Variants in NTRK2 observed in about 807,000 individuals in gnomAD.
NTRK2 encodes BDNF/NT-3 growth factors receptor.
Under a neutral mutation model 94.5 loss-of-function variants are expected in NTRK2, and 13 were observed. The observed-to-expected ratio is 0.14, with a 90% CI of 0.09 to 0.22. The LOEUF (loss-of-function observed/expected upper bound fraction) is 0.22, where lower values mean the gene tolerates loss of function less well. Among genes scored for constraint, NTRK2 ranks in the 10% least tolerant of loss-of-function variants. The pLI is 1.00. For synonymous variants in NTRK2, 372 were observed against 407.4 expected (o/e 0.91, Z 1.05); for missense variants, 639 against 1,071.2 (o/e 0.60, Z 5.63).
intron 14 of NTRK2, among the ~76,000 whole-genome samples, chr9:84,927,007 C>T (rs1387051371): frequency 6.6e-6 from 1 of 152,202 alleles, no homozygotes; most frequent in East Asian, 1.9e-4. Flanking sequence ...TTTTTGAGGA[C>T]ATTGATCATT....
intron 14 of NTRK2, among the ~76,000 whole-genome samples, chr9:84,911,933 C>CT (rs1327735478): frequency 4.6e-5 from 7 of 152,062 alleles, no homozygotes; most frequent in African/African-American, 1.7e-4. Flanking sequence ...CTATGTCCCC[C>CT]AAATTTTAAT....
At chr9:84,734,709 A>G (rs182972207) in intron 9 of NTRK2, among the ~76,000 whole-genome samples, 112 of 152,298 alleles carry the variant, frequency 7.4e-4, no homozygotes, top group Non-Finnish European at 5.1e-4. Flanking sequence ...GCTGCCATGT[A>G]AGACGTGTCT....
intron 6 of NTRK2, among the ~76,000 whole-genome samples, chr9:84,716,398 T>G (rs2131906513): frequency 6.6e-6 from 1 of 152,332 alleles, no homozygotes; most frequent in African/African-American, 2.4e-5. Flanking sequence ...TAAGAATTAC[T>G]TTTGGTTTCA....
At chr9:84,949,798 A>C (rs1269612158) in intron 16 of NTRK2, among the ~76,000 whole-genome samples, 1 of 152,172 alleles carries the variant, frequency 6.6e-6, no homozygotes, top group South Asian at 2.1e-4. Flanking sequence ...GTGCCTTCTC[A>C]AGAACTCCCC....
chr9:84,782,834 A>G (rs919756046), intron 12 of NTRK2, among the ~76,000 whole-genome samples: 3 of 152,114 alleles, frequency 2.0e-5, no homozygotes, highest in Admixed American at 1.3e-4. Context: ...CTGGGTGGGA[A>G]CTCAGTTCTT....
intron 12 of NTRK2, among the ~76,000 whole-genome samples, chr9:84,773,535 G>A (rs1238332661): frequency 2.0e-5 from 3 of 152,104 alleles, no homozygotes; most frequent in African/African-American, 4.8e-5. Flanking sequence ...TGATTTTAAC[G>A]TTCTTGGAGT....
chr9:84,872,218 C>A, intron 14 of NTRK2: 1 of 1,142,418 alleles, frequency 8.8e-7, no homozygotes, highest in Non-Finnish European at 1.1e-6. Context: ...AGCTCAAGGG[C>A]AGCTGTGTTG....
chr9:84,945,503 A>G (rs922830641), intron 15 of NTRK2, among the ~76,000 whole-genome samples: 1 of 152,030 alleles, frequency 6.6e-6, no homozygotes, highest in African/African-American at 2.4e-5. Context: ...TATCTCCTCC[A>G]TCTCCTCCAT....
intron 6 of NTRK2, among the ~76,000 whole-genome samples, chr9:84,720,252 G>A (rs2061976976): frequency 6.6e-6 from 1 of 152,158 alleles, no homozygotes; most frequent in Admixed American, 6.5e-5. Context: ...AGTCGGCTAA[G>A]CCCAGGTGAC....
intron 12 of NTRK2, among the ~76,000 whole-genome samples, chr9:84,828,608 A>G (rs1314852345): frequency 6.6e-6 from 1 of 152,210 alleles, no homozygotes; most frequent in Non-Finnish European, 1.5e-5. Context: ...TTGTATGCCA[A>G]GTGTGTCTAA....
chr9:84,862,406 G>A (rs1273977907), intron 13 of NTRK2, among the ~76,000 whole-genome samples: 2 of 152,168 alleles, frequency 1.3e-5, no homozygotes, highest in Non-Finnish European at 2.9e-5. Flanking sequence ...ATAAGACAGG[G>A]TCTTGCTTCT....
At chr9:84,787,071 A>G (rs993289380) in intron 12 of NTRK2, among the ~76,000 whole-genome samples, 4 of 151,956 alleles carry the variant, frequency 2.6e-5, no homozygotes, top group African/African-American at 9.7e-5. Flanking sequence ...GTGGAGGCGG[A>G]TGGATCACCA....
At chr9:84,990,256 C>G (rs1828890006) in intron 17 of NTRK2, among the ~76,000 whole-genome samples, 1 of 152,168 alleles carries the variant, frequency 6.6e-6, no homozygotes, top group Non-Finnish European at 1.5e-5. Context: ...AAAGATTTGT[C>G]AAATGTCATG....
At chr9:84,971,345 A>G (rs1368054502) in intron 17 of NTRK2, among the ~76,000 whole-genome samples, 1 of 152,216 alleles carries the variant, frequency 6.6e-6, no homozygotes, top group Non-Finnish European at 1.5e-5. Context: ...AAATAATTCC[A>G]CAAACACATA....
chr9:84,914,082 C>T (rs977915375), intron 14 of NTRK2, among the ~76,000 whole-genome samples: 5 of 151,852 alleles, frequency 3.3e-5, no homozygotes, highest in African/African-American at 9.7e-5. Context: ...GTAGTTGAAC[C>T]ATTTTGCTGA....
Position 85,021,647 on chromosome 9 carries a change from T to C in NTRK2, c.*210T>C. On this transcript the variant is annotated 3_prime_UTR_variant, in exon 19 of 19. Transcript: ENST00000277120. ...TGACTTCTTTTTGGCATTATCTCTT[T>C]CTCTCTTTCCATCTCCCTTGGTTGT... The C allele has an allele frequency of 1.6e-6, 1 of 611,298 alleles. No homozygotes were observed. The highest frequency in any genetic ancestry group is 2.9e-6 in the Non-Finnish European group (1 of 342,006). The allele number at this position is 611,298 out of a possible 1,614,324, so 37.9% of individuals were successfully genotyped here.
intron 12 of NTRK2, among the ~76,000 whole-genome samples, chr9:84,795,527 G>GTCTTTCTTCTTTC (rs1313959522): frequency 6.6e-6 from 1 of 152,170 alleles, no homozygotes; most frequent in African/African-American, 2.4e-5. Flanking sequence ...GCACTGAGAA[G>GTCTTTCTTCTTTC]AGGGGACCTA....
chr9:84,900,795 T>G (rs1468949424), intron 14 of NTRK2, among the ~76,000 whole-genome samples: 1 of 152,202 alleles, frequency 6.6e-6, no homozygotes, highest in Non-Finnish European at 1.5e-5. Flanking sequence ...CCTCATTGTA[T>G]CGATTCATTT....
chr9:84,915,119 C>A (rs1323416869), intron 14 of NTRK2, among the ~76,000 whole-genome samples: 1 of 152,186 alleles, frequency 6.6e-6, no homozygotes, highest in Non-Finnish European at 1.5e-5. Context: ...CGCTGCCGAT[C>A]TAACAGGAGG....
Sources: allele counts gnomAD v4.1 joint callset (sites outside exome capture counted in the v4.1 genomes callset), GRCh38; gene constraint gnomAD v4.1.1; transcripts MANE v1.5; gene names NCBI Gene and HGNC (gene_info 2026-07-23, HGNC 2026-07-21).